AMOTL1: variants seen among roughly 807,000 people sequenced by gnomAD.
AMOTL1 encodes angiomotin like 1, also known as angiomotin-like protein 1.
AMOTL1 carries 45 observed loss-of-function variants against 102.9 expected under a neutral mutation model. That is an observed-to-expected ratio of 0.44 (90% CI 0.34 to 0.56). The LOEUF (loss-of-function observed/expected upper bound fraction) is 0.56. AMOTL1 is among the 20% of genes least tolerant of loss of function. AMOTL1 has a pLI of 0.01. For missense variants in AMOTL1, 1,114 were observed against 1,225.6 expected, an observed-to-expected ratio of 0.91 and a Z score of 1.36; for synonymous variants, 481 against 484.7, an observed-to-expected ratio of 0.99 and a Z score of 0.10.
chr11:94,819,325 A>G (rs1330425176), intron 3 of AMOTL1, among the ~76,000 whole-genome samples: 1 of 152,284 alleles, frequency 6.6e-6, no homozygotes, highest in Non-Finnish European at 1.5e-5. Context: ...AAAAAGCCAC[A>G]TACCTGCCTC....
intron 1 of AMOTL1, among the ~76,000 whole-genome samples, chr11:94,723,476 A>G (rs1360971792): frequency 6.6e-6 from 1 of 152,018 alleles, no homozygotes; most frequent in African/African-American, 2.4e-5. Flanking sequence ...TGTTGCCACA[A>G]CTCCTTAGAG....
intron 12 of AMOTL1, among the ~76,000 whole-genome samples, chr11:94,870,052 G>T (rs1952965269): frequency 6.6e-6 from 1 of 152,146 alleles, no homozygotes; most frequent in Admixed American, 6.5e-5. Context: ...AATAGACCTG[G>T]CCTCTTAAGG....
chr11:94,850,235 C>T lies in AMOTL1; in HGVS notation c.1770C>T (p.Ala590=). 6.3e-7 allele frequency: 1 copy of T among 1,595,482 alleles called. No individual in the cohort carries two copies. The highest frequency in any genetic ancestry group is 1.3e-5 in the African/African-American group (1 of 74,746). Reference sequence around the variant, plus strand: ...ACCAGGCTTTGAGCAACGCCCAGGCCAGGGTCATCAAGCTGGAAGAGGAGG... The same window carrying T: ...ACCAGGCTTTGAGCAACGCCCAGGCTAGGGTCATCAAGCTGGAAGAGGAGG... ...ILDQALSNAQ[A]RVIKLEEELR... The change falls in exon 7 of 13, where the codon GCC becomes GCT. Residue 590 remains alanine, a synonymous_variant. Transcript: ENST00000433060.
In AMOTL1 at chr11:94,748,325, C is replaced by T. The variant is rs114652128; in HGVS notation, c.136+7337C>T. On this transcript the variant is annotated intron_variant, in intron 3 of 4. Transcript: ENST00000299004. ...TCACATCCGCATTCTAGTCCATAGA[C>T]GAGGGAGAAGGAAAGTGGTGGGCAC... 7.1e-3 allele frequency among the ~76,000 whole-genome samples: 1,078 copies of T among 152,246 alleles called. 21 individuals are homozygous for T. Among genetic ancestry groups the T allele is most frequent in the African/African-American group, 0.025 (1,023 of 41,544 alleles).
intron 6 of AMOTL1, among the ~76,000 whole-genome samples, chr11:94,843,608 C>T (rs1565377831): frequency 6.6e-6 from 1 of 152,206 alleles, no homozygotes; most frequent in Admixed American, 6.5e-5. Flanking sequence ...GAATCCTCTC[C>T]AACATCTGTT....
At chr11:94,834,384 G>A (rs111793370) in intron 6 of AMOTL1, among the ~76,000 whole-genome samples, 14 of 152,068 alleles carry the variant, frequency 9.2e-5, no homozygotes, top group African/African-American at 3.1e-4. Flanking sequence ...TCAGGAGATC[G>A]AGACCATCCT....
At chr11:94,841,847 G>A (rs1952309036) in intron 6 of AMOTL1, among the ~76,000 whole-genome samples, 1 of 152,124 alleles carries the variant, frequency 6.6e-6, no homozygotes, top group African/African-American at 2.4e-5. Context: ...GAAGTAAAGT[G>A]CAATGTGAGG....
chr11:94,818,760 A>AT (rs749948514), intron 3 of AMOTL1, among the ~76,000 whole-genome samples: 2 of 151,982 alleles, frequency 1.3e-5, no homozygotes, highest in African/African-American at 2.4e-5. Context: ...TTTTTAATTG[A>AT]TTTTTTCTTT....
At chr11:94,741,927 A>C (rs1239258480) in intron 3 of AMOTL1, among the ~76,000 whole-genome samples, 1 of 152,178 alleles carries the variant, frequency 6.6e-6, no homozygotes, top group Non-Finnish European at 1.5e-5. Flanking sequence ...TCAGTAACAC[A>C]CTCAGCTGTG....
At chr11:94,801,791 T>C (rs1350000873) in intron 3 of AMOTL1, among the ~76,000 whole-genome samples, 1 of 152,044 alleles carries the variant, frequency 6.6e-6, no homozygotes, top group African/African-American at 2.4e-5. Flanking sequence ...AGATCACACT[T>C]TGGGAGTCAG....
chr11:94,768,268 CG>C (rs1950881636), upstream of AMOTL1: 3 of 1,217,542 alleles, frequency 2.5e-6, no homozygotes, highest in South Asian at 3.0e-5. Context: ...GGCGCCACGG[CG>C]GGGGTGGAGT....
intron 3 of AMOTL1, among the ~76,000 whole-genome samples, chr11:94,811,975 G>A (rs1026707070): frequency 1.3e-5 from 2 of 152,182 alleles, no homozygotes; most frequent in African/African-American, 4.8e-5. Context: ...AGAAAAACTT[G>A]TCTTCCTTGT....
intron 1 of AMOTL1, among the ~76,000 whole-genome samples, chr11:94,726,689 A>G (rs554585197): frequency 6.6e-6 from 1 of 152,138 alleles, no homozygotes; most frequent in African/African-American, 2.4e-5. Context: ...TTAGACTTGG[A>G]TGGAGGTTAA....
intron 11 of AMOTL1, chr11:94,866,547 G>C: frequency 4.1e-6 from 1 of 246,470 alleles, no homozygotes; most frequent in Non-Finnish European, 8.0e-6. Context: ...TCTGGAAAGG[G>C]AGGACAGTGT....
At position 94,800,165 on chromosome 11, in the gene AMOTL1, C is replaced by G; in HGVS notation, c.975C>G (p.Ser325Arg). 3 of 1,614,004 alleles carry G rather than the reference C, an allele frequency of 1.9e-6. No individual in the cohort carries two copies. The highest frequency in any genetic ancestry group is 2.5e-6 in the Non-Finnish European group (3 of 1,179,892). Reference sequence around the variant, plus strand: ...CCAAGCAAATGATGTCCCCAGTCAGCAAGACCCAGGAGCACGGACTTTTTT... The same window carrying G: ...CCAAGCAAATGATGTCCCCAGTCAGGAAGACCCAGGAGCACGGACTTTTTT... ...FKTKQMMSPV[S>R]KTQEHGLFYG... The change falls in exon 3 of 13, where the codon AGC (serine) becomes AGG (arginine). Residue 325 changes from serine to arginine, a missense_variant. Transcript: ENST00000433060.
At chr11:94,777,361 G>T (rs1411004494) in intron 1 of AMOTL1, among the ~76,000 whole-genome samples, 1 of 152,124 alleles carries the variant, frequency 6.6e-6, no homozygotes, top group East Asian at 1.9e-4. Flanking sequence ...TTTTAGAGTT[G>T]ATCCTGTATG....
chr11:94,866,077 A>G lies in AMOTL1; in HGVS notation c.2397A>G (p.Ala799=), dbSNP rs1473264425. The change falls in exon 11 of 13, where the codon GCA becomes GCG. Residue 799 remains alanine, a synonymous_variant. Coordinates refer to ENST00000433060, the MANE Select transcript of AMOTL1 (RefSeq NM_130847.3). ...CCCGCTCCGTTCCATCCATAGCAGC[A>G]GCTACTGGGACACACTCTCGCCAGA... ...RPARSVPSIA[A]ATGTHSRQTS... The G allele has an allele frequency of 2.5e-6, 4 of 1,613,922 alleles. No homozygotes were observed. In the African/African-American group the frequency reaches 5.3e-5, roughly 22 times the overall value.
rs567063646 is a variant in AMOTL1, at chr11:94,819,091, CT to C, written c.1122-2438del. Among the ~76,000 whole-genome samples, 544 of 152,224 alleles carry C rather than the reference CT, an allele frequency of 3.6e-3. 3 individuals carry two copies. The highest frequency in any genetic ancestry group is 0.012 in the African/African-American group (494 of 41,534). On this transcript the variant is annotated intron_variant, in intron 3 of 12. Transcript: ENST00000433060. Reference sequence around the variant, plus strand: ...ATGATCTTTCCTAATAACCTGACACCTACCTTTCTAGGAGTAAACTGTCCTA... The same window carrying C: ...ATGATCTTTCCTAATAACCTGACACCACCTTTCTAGGAGTAAACTGTCCTA...
chr11:94,739,474 G>A (rs1950486222), intron 2 of AMOTL1, among the ~76,000 whole-genome samples: 1 of 152,178 alleles, frequency 6.6e-6, no homozygotes, highest in African/African-American at 2.4e-5. Flanking sequence ...GGGGCTTTCT[G>A]TCCTTCATGG....
Sources: allele counts gnomAD v4.1 joint callset (sites outside exome capture counted in the v4.1 genomes callset), GRCh38; gene constraint gnomAD v4.1.1; transcripts MANE v1.5; gene names NCBI Gene and HGNC (gene_info 2026-07-23, HGNC 2026-07-21).